Variants in CSMD1 observed in about 807,000 individuals in gnomAD.
CSMD1 encodes the protein CUB and sushi domain-containing protein 1.
In CSMD1, 213 loss-of-function variants were observed where a neutral mutation model predicts 417.5. The observed-to-expected ratio is 0.51, with a 90% CI of 0.46 to 0.57. The LOEUF is 0.57. Among genes scored for constraint, CSMD1 ranks in the 20% least tolerant of loss-of-function variants. The probability of loss-of-function intolerance (pLI) is 0.00; values close to 1 mark genes in which losing one functional copy is unlikely to be tolerated. For missense variants in CSMD1, 6,923 were observed against 4,529.7 expected, an observed-to-expected ratio of 1.53 and a Z score of -15.17; for synonymous variants, 2,862 against 1,736.8, an observed-to-expected ratio of 1.65 and a Z score of -16.11.
At chr8:3,872,464 G>T (rs903691903) in intron 5 of CSMD1, among the ~76,000 whole-genome samples, 1 of 152,160 alleles carries the variant, frequency 6.6e-6, no homozygotes, top group African/African-American at 2.4e-5. Flanking sequence ...AAATGAAAAA[G>T]CTGTGGGACA....
chr8:4,726,368 GC>G (rs1320098592), intron 1 of CSMD1, among the ~76,000 whole-genome samples: 2 of 151,258 alleles, frequency 1.3e-5, no homozygotes, highest in Admixed American at 1.3e-4. Flanking sequence ...ATCACCAAAA[GC>G]TTTCTCTTCT....
At chr8:3,665,321 G>C (rs928810310) in intron 7 of CSMD1, among the ~76,000 whole-genome samples, 1 of 152,160 alleles carries the variant, frequency 6.6e-6, no homozygotes, top group Non-Finnish European at 1.5e-5. Flanking sequence ...CCTGAGGTCA[G>C]GAGTTCGAGA....
intron 3 of CSMD1, among the ~76,000 whole-genome samples, chr8:4,199,168 T>C (rs1799507357): frequency 6.6e-6 from 1 of 152,122 alleles, no homozygotes; most frequent in African/African-American, 2.4e-5. Flanking sequence ...AGCACAGCAC[T>C]GGGGATGATC....
At chr8:3,869,690 G>C (rs142771299) in intron 5 of CSMD1, among the ~76,000 whole-genome samples, 3 of 152,050 alleles carry the variant, frequency 2.0e-5, no homozygotes, top group South Asian at 2.1e-4. Flanking sequence ...ACAGGTGCGC[G>C]CAGCCAGGAG....
At chr8:3,017,479 T>C (rs896070663) in intron 52 of CSMD1, among the ~76,000 whole-genome samples, 3 of 152,176 alleles carry the variant, frequency 2.0e-5, no homozygotes, top group Non-Finnish European at 4.4e-5. Flanking sequence ...TGTTCAATAA[T>C]ATATAATGCA....
At chr8:4,395,726 G>T (rs774003975) in intron 3 of CSMD1, among the ~76,000 whole-genome samples, 1 of 151,988 alleles carries the variant, frequency 6.6e-6, no homozygotes, top group Non-Finnish European at 1.5e-5. Context: ...AAAATTAGCA[G>T]CTACAAATGT....
At chr8:4,436,398 A>G (rs1309584942) in intron 2 of CSMD1, among the ~76,000 whole-genome samples, 2 of 151,996 alleles carry the variant, frequency 1.3e-5, no homozygotes, top group Admixed American at 1.3e-4. Flanking sequence ...AGTCTGTTTC[A>G]ATTTTTGTGT....
intron 4 of CSMD1, among the ~76,000 whole-genome samples, chr8:4,014,249 CA>C (rs1796413036): frequency 1.3e-5 from 2 of 152,254 alleles, no homozygotes; most frequent in South Asian, 4.1e-4. Flanking sequence ...ACAGAAGCAA[CA>C]AACACAGTGC....
intron 5 of CSMD1, among the ~76,000 whole-genome samples, chr8:3,915,032 A>G (rs2948653): frequency 0.94 from 143,444 of 152,208 alleles, 67,656 homozygotes; most frequent in Middle Eastern, 0.99. Context: ...AGATTCTACA[A>G]ACACATCCAG....
At chr8:3,196,281 C>G (rs930545507) in intron 33 of CSMD1, among the ~76,000 whole-genome samples, 29 of 152,180 alleles carry the variant, frequency 1.9e-4, no homozygotes, top group Non-Finnish European at 3.1e-4. Flanking sequence ...AAGGAATTGT[C>G]TACCCCTTTC....
chr8:4,276,219 C>T (rs771588936), intron 3 of CSMD1, among the ~76,000 whole-genome samples: 16 of 152,220 alleles, frequency 1.1e-4, no homozygotes, highest in East Asian at 1.9e-4. Flanking sequence ...CTGGAACTAA[C>T]GCAAATGCCC....
At chr8:3,709,680 G>GTGTTTTTTTT (rs1801387434) in intron 6 of CSMD1, among the ~76,000 whole-genome samples, 1 of 33,694 alleles carries the variant, frequency 3.0e-5, no homozygotes, top group East Asian at 1.5e-3. Flanking sequence ...GCAGCAGCAT[G>GTGTTTTTTTT]TTTTTTTTTT....
intron 10 of CSMD1, among the ~76,000 whole-genome samples, chr8:3,559,618 C>G (rs764698070): frequency 8.5e-5 from 13 of 152,130 alleles, no homozygotes; most frequent in Non-Finnish European, 1.5e-4. Flanking sequence ...CAATTACAAT[C>G]ACTGATTATC....
intron 29 of CSMD1, 59 bp from the exon 30 acceptor site, chr8:3,214,750 T>G (rs570480615): frequency 7.1e-7 from 1 of 1,407,262 alleles, no homozygotes; most frequent in African/African-American, 1.4e-5. Context: ...TGTTTGTGTT[T>G]TTGTTTGTTG....
At chr8:4,456,275 G>C (rs942543593) in intron 2 of CSMD1, among the ~76,000 whole-genome samples, 3 of 152,026 alleles carry the variant, frequency 2.0e-5, no homozygotes, top group Non-Finnish European at 4.4e-5. Context: ...GATGTTAAGT[G>C]AGATCTAAAA....
intron 3 of CSMD1, among the ~76,000 whole-genome samples, chr8:4,375,765 G>A (rs13267644): frequency 1.3e-5 from 2 of 152,016 alleles, no homozygotes; most frequent in African/African-American, 4.8e-5. Flanking sequence ...CCCTGTCTTT[G>A]TACAGTGATT....
At chr8:3,045,676 G>C (rs529392035) in intron 50 of CSMD1, among the ~76,000 whole-genome samples, 2 of 152,202 alleles carry the variant, frequency 1.3e-5, no homozygotes, top group African/African-American at 4.8e-5. Flanking sequence ...TAATGCATCA[G>C]ATTTAAAAAT....
intron 23 of CSMD1, among the ~76,000 whole-genome samples, chr8:3,322,805 C>G (rs1297362258): frequency 6.6e-6 from 1 of 152,224 alleles, no homozygotes; most frequent in Non-Finnish European, 1.5e-5. Flanking sequence ...TTTCTCCTGT[C>G]CAGTCTGCTT....
intron 7 of CSMD1, among the ~76,000 whole-genome samples, chr8:3,661,223 T>C (rs969573302): frequency 6.6e-6 from 1 of 152,160 alleles, no homozygotes; most frequent in East Asian, 1.9e-4. Flanking sequence ...TTTACGAGTA[T>C]GCATCTGTAA....
Sources: gnomAD v4.1 joint callset for allele counts (sites outside exome capture counted in the v4.1 genomes callset) on GRCh38, gnomAD v4.1.1 for gene constraint, MANE v1.5 for transcripts, NCBI Gene and HGNC (gene_info 2026-07-23, HGNC 2026-07-21) for gene names.